Variants in TXK observed in about 807,000 individuals in gnomAD.
TXK encodes TXK tyrosine kinase.
Under a neutral mutation model 81.0 loss-of-function variants are expected in TXK, and 60 were observed. The observed-to-expected ratio is 0.74, with a 90% CI of 0.60 to 0.92. The LOEUF is 0.92. TXK is among the 40% of genes least tolerant of loss of function. The pLI is 0.00. For synonymous variants in TXK, 203 were observed against 210.7 expected (o/e 0.96, Z 0.32); for missense variants, 581 against 638.3 (o/e 0.91, Z 0.97).
chr4:48,114,238 G>A, intron 2 of TXK, 110 bp downstream of exon 2: 1 of 1,100,090 alleles, frequency 9.1e-7, no homozygotes, highest in African/African-American at 1.6e-5. Flanking sequence ...AATGGGAGAA[G>A]GTTCCCAGGT....
At chr4:48,079,844 GTAAT>G (rs1717223475) in intron 11 of TXK, 64 bp downstream of exon 11, 10 of 1,059,096 alleles carry the variant, frequency 9.4e-6, no homozygotes, top group Non-Finnish European at 1.4e-5. Flanking sequence ...AGTATTGAAA[GTAAT>G]TGTCACATCC....
intron 12 of TXK, among the ~76,000 whole-genome samples, chr4:48,075,563 T>C (rs942555345): frequency 2.6e-5 from 4 of 151,898 alleles, no homozygotes; most frequent in East Asian, 1.9e-4. Flanking sequence ...GGCAGGAGGA[T>C]AGCTTGAGCC....
chr4:48,080,089 G>A lies in TXK; in HGVS notation c.996C>T (p.Val332=), dbSNP rs750141063. ...SHSKLVQLYG[V]CIQRKPLYIV... is the part of the protein sequence containing the mutation. ...TGTAAAGGGGCTTCCGCTGTATACAGACTCCATAAAGTTGCACTAGCTTTG... is the reference window on the plus strand; with the variant it reads ...TGTAAAGGGGCTTCCGCTGTATACAAACTCCATAAAGTTGCACTAGCTTTG... The change falls in exon 11 of 15, where the codon GTC becomes GTT. Residue 332 remains valine (V), a synonymous_variant. Transcript: ENST00000264316. The A allele has an allele frequency of 1.9e-6, 3 of 1,613,924 alleles. No individual in the cohort carries two copies. The highest frequency in any genetic ancestry group is 2.5e-6 in the Non-Finnish European group (3 of 1,179,968).
intron 1 of TXK, among the ~76,000 whole-genome samples, chr4:48,129,730 C>A (rs1329946739): frequency 1.3e-5 from 2 of 152,234 alleles, no homozygotes; most frequent in African/African-American, 4.8e-5. Flanking sequence ...TTCTTTCTTT[C>A]TCAGAAGGGG....
At position 48,091,470 on chromosome 4, in the gene TXK, A is replaced by G. The variant is rs1365955887; in HGVS notation, c.710-1646T>C. ...GAGAGGAAGCTATTGAAAAGTCCCAAGTAGGAGGGCACAGTCAGATTTACA... is the reference window on the plus strand; with the variant it reads ...GAGAGGAAGCTATTGAAAAGTCCCAGGTAGGAGGGCACAGTCAGATTTACA... On this transcript the variant is annotated intron_variant, in intron 8 of 14. Coordinates refer to ENST00000264316, the MANE Select transcript of TXK (RefSeq NM_003328.3). Among the ~76,000 whole-genome samples the G allele has an allele frequency of 2.6e-5, 4 of 152,082 alleles. No individual in the cohort carries two copies. The East Asian group carries it at 5.8e-4, about 22-fold the overall frequency.
intron 1 of TXK, among the ~76,000 whole-genome samples, chr4:48,133,005 C>A (rs1719285074): frequency 6.6e-6 from 1 of 151,450 alleles, no homozygotes; most frequent in Non-Finnish European, 1.5e-5. Flanking sequence ...GAGTTTCTGG[C>A]AAGATTTAAA....
chr4:48,110,637 T>C lies in TXK; in HGVS notation c.381-34A>G, dbSNP rs756022739. 1.0e-5 allele frequency: 16 copies of C among 1,541,214 alleles called. No individual in the cohort carries two copies. In the South Asian group the frequency reaches 1.8e-4, roughly 17 times the overall value. On this transcript the variant is annotated intron_variant, in intron 4 of 14. Transcript: ENST00000264316. ...AAAGAAAAAGCAAAAATCAAAATGC[T>C]TGGCATGTTTGTGGCATTATCATGG...
chr4:48,113,606 T>C (rs1388304908), intron 2 of TXK, among the ~76,000 whole-genome samples: 1 of 152,224 alleles, frequency 6.6e-6, no homozygotes, highest in Non-Finnish European at 1.5e-5. Flanking sequence ...TTATAATCAT[T>C]GTAATGAAAA....
chr4:48,068,796 G>A (rs1024921836), intron 14 of TXK, among the ~76,000 whole-genome samples: 2 of 152,104 alleles, frequency 1.3e-5, no homozygotes, highest in Admixed American at 6.5e-5. Flanking sequence ...TAGGGTCAGC[G>A]GAAAGACACC....
chr4:48,084,503 C>T (rs765121509), intron 10 of TXK, among the ~76,000 whole-genome samples: 1 of 152,182 alleles, frequency 6.6e-6, no homozygotes, highest in South Asian at 2.1e-4. Context: ...TTAACTCTCC[C>T]TGAATAACTT....
intron 2 of TXK, among the ~76,000 whole-genome samples, chr4:48,113,554 T>C (rs1015597715): frequency 1.3e-5 from 2 of 152,230 alleles, no homozygotes; most frequent in Non-Finnish European, 2.9e-5. Context: ...AGAAAACATG[T>C]CACATTCCCA....
intron 1 of TXK, among the ~76,000 whole-genome samples, chr4:48,124,178 C>A (rs1338155051): frequency 6.6e-6 from 1 of 152,114 alleles, no homozygotes; most frequent in Non-Finnish European, 1.5e-5. Context: ...CAGGATCATT[C>A]TTTATTGTGG....
chr4:48,107,206 T>C (rs1560356485), intron 5 of TXK, among the ~76,000 whole-genome samples: 1 of 151,608 alleles, frequency 6.6e-6, no homozygotes, highest in Non-Finnish European at 1.5e-5. Flanking sequence ...TAGATTTATA[T>C]ATAGTATACC....
chr4:48,094,405 A>C (rs1280232079), intron 7 of TXK, among the ~76,000 whole-genome samples: 1 of 152,232 alleles, frequency 6.6e-6, no homozygotes, highest in Non-Finnish European at 1.5e-5. Context: ...ATTCAAACAT[A>C]ACTTCAGCCA....
At chr4:48,103,745 A>T (rs990214099) in intron 6 of TXK, among the ~76,000 whole-genome samples, 1 of 152,188 alleles carries the variant, frequency 6.6e-6, no homozygotes, top group Non-Finnish European at 1.5e-5. Context: ...TCTCAGTTTC[A>T]TATTTTGGCT....
intron 6 of TXK, among the ~76,000 whole-genome samples, chr4:48,099,378 T>C (rs1361786644): frequency 1.3e-5 from 2 of 152,218 alleles, no homozygotes; most frequent in South Asian, 2.1e-4. Context: ...GTGTTTAATA[T>C]ACCTATGGTT....
intron 1 of TXK, among the ~76,000 whole-genome samples, chr4:48,120,493 T>C (rs990308882): frequency 1.4e-5 from 2 of 147,284 alleles, no homozygotes; most frequent in Non-Finnish European, 3.0e-5. Context: ...ATAAGTCTCT[T>C]TTTTTTTTTT....
chr4:48,077,643 G>A (rs899443470), intron 11 of TXK, among the ~76,000 whole-genome samples: 3 of 152,062 alleles, frequency 2.0e-5, no homozygotes, highest in African/African-American at 7.2e-5. Context: ...TGAGCTAGGT[G>A]GAGTTTACAC....
At chr4:48,076,673 G>C (rs559218504) in intron 11 of TXK, among the ~76,000 whole-genome samples, 1 of 152,146 alleles carries the variant, frequency 6.6e-6, no homozygotes, top group South Asian at 2.1e-4. Flanking sequence ...CTGTTGCCCA[G>C]GCTGGAGTGC....
Sources: allele counts gnomAD v4.1 joint callset (sites outside exome capture counted in the v4.1 genomes callset), GRCh38; gene constraint gnomAD v4.1.1; transcripts MANE v1.5; gene names NCBI Gene and HGNC (gene_info 2026-07-23, HGNC 2026-07-21).